Variants in NUP98 observed in about 807,000 individuals in gnomAD.
The protein encoded by NUP98 is nuclear pore complex protein Nup98-Nup96.
NUP98 carries 26 observed loss-of-function variants against 191.9 expected under a neutral mutation model. The observed-to-expected ratio is 0.14, with a 90% CI of 0.10 to 0.19. The LOEUF (loss-of-function observed/expected upper bound fraction) is 0.19. Ranked by LOEUF, NUP98 falls within the 10% of genes least tolerant of loss-of-function variation. NUP98 has a pLI of 1.00. For synonymous variants in NUP98, 808 were observed against 778.4 expected, an observed-to-expected ratio of 1.04 and a Z score of -0.63; for missense variants, 1,941 against 2,178.8, an observed-to-expected ratio of 0.89 and a Z score of 2.17.
intron 11 of NUP98, among the ~76,000 whole-genome samples, chr11:3,751,405 T>C (rs185291136): frequency 1.1e-4 from 17 of 152,028 alleles, no homozygotes; most frequent in African/African-American, 3.6e-4. Flanking sequence ...ATAAAAGACA[T>C]GTATGTACAG....
In NUP98 at chr11:3,695,478, G is replaced by C; in HGVS notation, c.4138C>G (p.Arg1380Gly). ...ADSFIQDERL[R>G]IFALLAGKPV... ...TTTCCAGCCAACAGAGCAAAGATGCGCAGTCTCTCATCCTGGATGAAGGAG... is the reference window on the plus strand; with the variant it reads ...TTTCCAGCCAACAGAGCAAAGATGCCCAGTCTCTCATCCTGGATGAAGGAG... Residue 1380 changes from arginine to glycine, a missense_variant, in exon 26 of 33, where the codon CGC becomes GGC. Physicochemically the swap from Arg to Gly is moderately radical, Grantham distance 125. This residue lies in a region of NUP98 where 1,030 missense variants were observed against 1,115.8 expected (regional missense o/e 0.92). Coordinates refer to ENST00000324932, the MANE Select transcript of NUP98 (RefSeq NM_016320.5). 6.3e-7 allele frequency: 1 copy of C among 1,585,414 alleles called. No individual in the cohort carries two copies. The highest frequency in any genetic ancestry group is 1.2e-5 in the South Asian group (1 of 86,584).
chr11:3,755,714 C>T (rs896670737), intron 10 of NUP98, among the ~76,000 whole-genome samples: 27 of 152,186 alleles, frequency 1.8e-4, no homozygotes, highest in African/African-American at 6.5e-4. Context: ...CCTGTAATCC[C>T]GCCACTTTGG....
chr11:3,675,038 ATTTT>A lies in NUP98; in HGVS notation c.*1117_*1120del, dbSNP rs1282759453. On this transcript the variant is annotated 3_prime_UTR_variant, in exon 33 of 33. Transcript: ENST00000324932. ...CAGGAATGCTATAAACATTTTATTT[ATTTT>A]TTAAGAAAGTAGCTTCAGAAAAAGA... The A allele has an allele frequency of 5.8e-6, 1 of 172,732 alleles. No individual in the cohort carries two copies. The highest frequency in any genetic ancestry group is 2.4e-5 in the African/African-American group (1 of 42,078). The allele number at this position is 172,732 out of a possible 1,614,324, so 10.7% of individuals were successfully genotyped here. A position where few individuals can be genotyped will look rare whatever the true frequency, so the allele number is the denominator to read the frequency against.
At chr11:3,683,695 C>T (rs1394951988) in intron 29 of NUP98, among the ~76,000 whole-genome samples, 1 of 110,818 alleles carries the variant, frequency 9.0e-6, no homozygotes, top group Non-Finnish European at 2.0e-5. Flanking sequence ...TGTGCCACCA[C>T]ACCCCGCTAA....
chr11:3,684,168 C>T (rs182796993), intron 29 of NUP98, among the ~76,000 whole-genome samples: 217 of 152,236 alleles, frequency 1.4e-3, no homozygotes, highest in African/African-American at 5.0e-3. Flanking sequence ...GCCGAGATCA[C>T]GCCATTGCAC....
intron 27 of NUP98, among the ~76,000 whole-genome samples, chr11:3,692,479 T>G (rs952708920): frequency 3.3e-5 from 5 of 151,588 alleles, no homozygotes; most frequent in Non-Finnish European, 5.9e-5. Context: ...TACAAAAAAT[T>G]AGCCAGGCGT....
At chr11:3,711,875 C>G (rs1380578022) in intron 20 of NUP98, 2 of 1,035,582 alleles carry the variant, frequency 1.9e-6, no homozygotes, top group Non-Finnish European at 2.3e-6. Context: ...AAAAACCACA[C>G]ATTTCAGCAG....
chr11:3,716,141 A>G (rs1326282765), intron 18 of NUP98, among the ~76,000 whole-genome samples: 4 of 152,164 alleles, frequency 2.6e-5, no homozygotes, highest in Non-Finnish European at 5.9e-5. Context: ...TATCTGAGAA[A>G]TCATTGCCAA....
rs746252824 is a variant in NUP98, at chr11:3,712,568, G to C, written c.2738C>G (p.Pro913Arg). Residue 913 changes from proline to arginine, a missense_variant, in exon 20 of 33, where the codon CCT (proline) becomes CGT (arginine). Transcript: ENST00000324932. ...MALNGKPAPP[P>R]QSQSPEVEQL... ...TCACTGTCCTTTTTTCTCTACCTGA[G>C]GTGGAGGTGCAGGTTTGCCATTAAG... The C allele has an allele frequency of 4.3e-6, 7 of 1,613,442 alleles. No individual in the cohort carries two copies. Among genetic ancestry groups the C allele is most frequent in the Non-Finnish European group, 5.9e-6 (7 of 1,179,832 alleles).
chr11:3,761,591 T>G (rs1371611074), intron 9 of NUP98, among the ~76,000 whole-genome samples: 3 of 152,060 alleles, frequency 2.0e-5, no homozygotes, highest in Admixed American at 6.6e-5. Flanking sequence ...AACCCCATTC[T>G]CTACTAAAAA....
chr11:3,682,483 G>A (rs1036231259), intron 30 of NUP98, among the ~76,000 whole-genome samples: 2 of 152,094 alleles, frequency 1.3e-5, no homozygotes, highest in Admixed American at 1.3e-4. Flanking sequence ...GCCTAATTTC[G>A]TGATTATTGG....
At chr11:3,773,407 T>G (rs2081597899) in intron 6 of NUP98, among the ~76,000 whole-genome samples, 1 of 151,852 alleles carries the variant, frequency 6.6e-6, no homozygotes, top group African/African-American at 2.4e-5. Flanking sequence ...AAAAAGACCA[T>G]TAGGGGTGCT....
intron 12 of NUP98, among the ~76,000 whole-genome samples, chr11:3,735,544 A>C (rs2080015898): frequency 1.3e-5 from 2 of 152,134 alleles, no homozygotes; most frequent in Admixed American, 6.6e-5. Flanking sequence ...ACATTTCATA[A>C]GATACAATAC....
intron 4 of NUP98, among the ~76,000 whole-genome samples, chr11:3,777,090 T>G (rs1354183675): frequency 1.3e-5 from 2 of 152,118 alleles, no homozygotes; most frequent in African/African-American, 4.8e-5. Flanking sequence ...CCAAAAACTT[T>G]AGAATATACA....
In NUP98 at chr11:3,785,412, T is replaced by C. The variant is rs149123827; in HGVS notation, c.-28-3267A>G. On this transcript the variant is annotated intron_variant, in intron 1 of 32. Coordinates refer to ENST00000324932, the MANE Select transcript of NUP98 (RefSeq NM_016320.5). ...GTCTGGTTCCTGTGGGTTTTCAGTTTGTGACTACTGACATAATCAGAGAAA... is the reference window on the plus strand; with the variant it reads ...GTCTGGTTCCTGTGGGTTTTCAGTTCGTGACTACTGACATAATCAGAGAAA... Among the ~76,000 whole-genome samples, 527 of 152,276 alleles carry C rather than the reference T, an allele frequency of 3.5e-3. 5 individuals are homozygous for C. The highest frequency in any genetic ancestry group is 0.012 in the African/African-American group (515 of 41,556).
chr11:3,757,363 T>G (rs2081004431), intron 10 of NUP98, among the ~76,000 whole-genome samples: 1 of 151,772 alleles, frequency 6.6e-6, no homozygotes, highest in Non-Finnish European at 1.5e-5. Context: ...GGTGCATGCC[T>G]GTAGTCCCAG....
In NUP98 at chr11:3,765,415, G is replaced by C. The variant is rs547753215; in HGVS notation, c.949-2376C>G. On this transcript the variant is annotated intron_variant, in intron 8 of 32. Coordinates refer to ENST00000324932, the MANE Select transcript of NUP98 (RefSeq NM_016320.5). ...CCAACTTATCTATTTTTTCTTTTCT[G>C]CTTTTGCTTTTGGTGTCCTATCTAA... 5.8e-4 allele frequency among the ~76,000 whole-genome samples: 88 copies of C among 152,160 alleles called. 1 individual carries two copies. The highest frequency in any genetic ancestry group is 2.0e-3 in the African/African-American group (85 of 41,528).
At position 3,778,227 on chromosome 11, in the gene NUP98, A is replaced by G. The variant is rs577582092; in HGVS notation, c.355+646T>C. Among the ~76,000 whole-genome samples, 7 of 151,032 alleles carry G rather than the reference A, an allele frequency of 4.6e-5. No homozygotes were observed. The South Asian group carries it at 1.5e-3, about 31-fold the overall frequency. On this transcript the variant is annotated intron_variant, in intron 4 of 32. Transcript: ENST00000324932. ...AAAAAAAAAAAAAAAAAAAGAAAGA[A>G]AGAAAATACTGATGGCTGGCTATTC...
In NUP98 at chr11:3,730,513, C is replaced by T. The variant is rs116389234; in HGVS notation, c.1730+878G>A. The stretch of plus-strand genomic sequence containing the variant: ...CTGGGATTACAGAATTACAGACGCA[C>T]GCAGCCATGCCCAGCTAATTTTGTA... On this transcript the variant is annotated intron_variant, in intron 14 of 32. Transcript: ENST00000324932. 3.7e-3 allele frequency among the ~76,000 whole-genome samples: 569 copies of T among 151,978 alleles called. 1 individual carries two copies. Among genetic ancestry groups the T allele is most frequent in the African/African-American group, 0.013 (544 of 41,470 alleles).
Sources: gnomAD v4.1 joint callset for allele counts (sites outside exome capture counted in the v4.1 genomes callset) on GRCh38, gnomAD v4.1.1 for gene constraint, gnomAD v4.1.1 regional missense constraint, MANE v1.5 for transcripts, NCBI Gene and HGNC (gene_info 2026-07-23, HGNC 2026-07-21) for gene names.